Variants in NTM observed in about 807,000 individuals in gnomAD.
The protein encoded by NTM is IgLON family member 2.
In NTM, 13 loss-of-function variants were observed where a neutral mutation model predicts 42.1. The observed-to-expected ratio is 0.31, with a 90% CI of 0.20 to 0.49. The LOEUF (loss-of-function observed/expected upper bound fraction) is 0.49, where lower values mean the gene tolerates loss of function less well. Ranked by LOEUF, NTM falls within the 20% of genes least tolerant of loss-of-function variation. The probability of loss-of-function intolerance (pLI) is 0.99; values close to 1 mark genes in which losing one functional copy is unlikely to be tolerated. For synonymous variants in NTM, 187 were observed against 179.2 expected, an observed-to-expected ratio of 1.04 and a Z score of -0.35; for missense variants, 373 against 452.8, an observed-to-expected ratio of 0.82 and a Z score of 1.60.
intron 1 of NTM, among the ~76,000 whole-genome samples, chr11:131,833,180 T>A (rs2043041427): frequency 6.6e-6 from 1 of 152,216 alleles, no homozygotes; most frequent in South Asian, 2.1e-4. Context: ...AGCTATATTG[T>A]GTGATTTTTG....
chr11:132,115,937 G>T (rs2063826708), intron 2 of NTM, among the ~76,000 whole-genome samples: 1 of 152,112 alleles, frequency 6.6e-6, no homozygotes, highest in Admixed American at 6.5e-5. Context: ...CTTTACACAG[G>T]CTCATCCTCC....
intron 2 of NTM, among the ~76,000 whole-genome samples, chr11:132,125,828 TGTG>T (rs1375718617): frequency 4.2e-4 from 1 of 2,390 alleles, no homozygotes; most frequent in African/African-American, 1.5e-3. Context: ...ATGTGTGGTG[TGTG>T]GTGTGTGTGT....
intron 1 of NTM, among the ~76,000 whole-genome samples, chr11:131,509,251 T>C (rs910204226): frequency 1.3e-5 from 2 of 152,082 alleles, no homozygotes; most frequent in African/African-American, 4.8e-5. Context: ...TGGGGTTGCT[T>C]ATGGGCTAGA....
At chr11:131,617,177 T>C in intron 1 of NTM, among the ~76,000 whole-genome samples, 1 of 151,942 alleles carries the variant, frequency 6.6e-6, no homozygotes, top group Non-Finnish European at 1.5e-5. Flanking sequence ...GTGTGTGTAC[T>C]CCTGTGTAAC....
At chr11:132,179,836 C>G (rs577476017) in intron 3 of NTM, among the ~76,000 whole-genome samples, 2 of 152,214 alleles carry the variant, frequency 1.3e-5, no homozygotes, top group South Asian at 4.1e-4. Flanking sequence ...GAGGAATTTC[C>G]TTGACTGGGG....
At position 131,424,595 on chromosome 11, in the gene NTM, C is replaced by CTTTTTTTTTTTTTTTTTTTTTTTT. The variant is rs1446801058; in HGVS notation, c.82+53711_82+53712insTTTTTTTTTTTTTTTTTTTTTTTT. Among the ~76,000 whole-genome samples, 24 of 39,620 alleles carry CTTTTTTTTTTTTTTTTTTTTTTTT rather than the reference C, an allele frequency of 6.1e-4. 2 individuals carry two copies. Among genetic ancestry groups the CTTTTTTTTTTTTTTTTTTTTTTTT allele is most frequent in the East Asian group, 2.9e-3 (3 of 1,050 alleles). 26.0% of individuals were successfully genotyped at this position (39,620 alleles called of 152,430 possible). The stretch of plus-strand genomic sequence containing the variant: ...TGCTTAGTTGTTTTTTATTTCTTTT[C>CTTTTTTTTTTTTTTTTTTTTTTTT]TTTTCTTTTTTTTTTTTTTTTTTGG... On this transcript the variant is annotated intron_variant, in intron 1 of 8. Transcript: ENST00000683400.
intron 1 of NTM, among the ~76,000 whole-genome samples, chr11:131,505,281 C>T (rs1328513958): frequency 3.9e-5 from 6 of 152,052 alleles, no homozygotes; most frequent in South Asian, 2.1e-4. Flanking sequence ...ATGCTAACAA[C>T]GATCATTTAT....
chr11:132,245,064 A>G lies in NTM; in HGVS notation c.526+32917A>G, dbSNP rs140786771. Among the ~76,000 whole-genome samples the G allele has an allele frequency of 2.1e-3, 321 of 152,224 alleles. 2 individuals are homozygous for G. The highest frequency in any genetic ancestry group is 0.021 in the East Asian group (108 of 5,168). ...CGTCCAATTCGCCGTGAAATGTTCT[A>G]TCTGTCGTGAATATTAAGTGCACTG... On this transcript the variant is annotated intron_variant, in intron 4 of 8. Transcript: ENST00000683400.
intron 3 of NTM, among the ~76,000 whole-genome samples, chr11:132,210,610 A>G (rs2082681268): frequency 6.6e-6 from 1 of 152,236 alleles, no homozygotes; most frequent in Non-Finnish European, 1.5e-5. Flanking sequence ...GTTAAAACAC[A>G]TAAGACAGAT....
intron 2 of NTM, among the ~76,000 whole-genome samples, chr11:132,035,071 T>C (rs1042628131): frequency 6.6e-6 from 1 of 152,224 alleles, no homozygotes; most frequent in Admixed American, 6.5e-5. Flanking sequence ...TTGTTTGCTT[T>C]GAGTAACTGA....
intron 2 of NTM, among the ~76,000 whole-genome samples, chr11:131,971,024 A>C (rs1270315902): frequency 6.6e-6 from 1 of 152,176 alleles, no homozygotes; most frequent in Admixed American, 6.5e-5. Flanking sequence ...AACCCAAACA[A>C]GCCTATGACA....
At chr11:132,195,941 C>A (rs1004591914) in intron 3 of NTM, among the ~76,000 whole-genome samples, 2 of 152,006 alleles carry the variant, frequency 1.3e-5, no homozygotes, top group Non-Finnish European at 2.9e-5. Context: ...GCAACAGAGC[C>A]CCAAATTGAC....
chr11:132,018,670 T>C (rs1296590789), intron 2 of NTM, among the ~76,000 whole-genome samples: 2 of 152,032 alleles, frequency 1.3e-5, no homozygotes, highest in Non-Finnish European at 2.9e-5. Flanking sequence ...TTATGAGATA[T>C]AGTAATCTGT....
chr11:131,644,963 G>T (rs557273936), intron 1 of NTM, among the ~76,000 whole-genome samples: 133 of 152,124 alleles, frequency 8.7e-4, no homozygotes, highest in African/African-American at 3.1e-3. Context: ...TCGACAACAG[G>T]CAGGCTCACA....
intron 1 of NTM, among the ~76,000 whole-genome samples, chr11:131,715,453 T>C (rs2077593989): frequency 6.6e-6 from 1 of 152,232 alleles, no homozygotes; most frequent in Admixed American, 6.5e-5. Context: ...CATTTTTATG[T>C]ATATGTTTAA....
Position 132,310,398 on chromosome 11 carries a change from T to C in NTM, c.782+166T>C, listed in dbSNP as rs980494196. On this transcript the variant is annotated intron_variant, in intron 6 of 8. Transcript: ENST00000683400. ...GAAGTCTTTTCTTAACATTAATGGA[T>C]TTCAGCTACGTTTTTAATGTCACCA... 1.2e-4 allele frequency among the ~76,000 whole-genome samples: 19 copies of C among 152,166 alleles called. 1 individual carries two copies. The highest frequency in any genetic ancestry group is 3.3e-4 in the Admixed American group (5 of 15,276).
At chr11:132,121,131 A>G (rs2064750813) in intron 2 of NTM, among the ~76,000 whole-genome samples, 1 of 152,090 alleles carries the variant, frequency 6.6e-6, no homozygotes, top group Non-Finnish European at 1.5e-5. Context: ...CATTTTAGAG[A>G]TGGGGAGGGT....
rs141410135 is a variant in NTM, at chr11:131,824,432, A to G, written c.83-87132A>G. 6.0e-4 allele frequency among the ~76,000 whole-genome samples: 92 copies of G among 152,314 alleles called. 1 individual carries two copies. The highest frequency in any genetic ancestry group is 2.1e-3 in the African/African-American group (87 of 41,574). On this transcript the variant is annotated intron_variant, in intron 1 of 8. Coordinates refer to ENST00000683400, the MANE Select transcript of NTM (RefSeq NM_001352005.2). ...CCCACTCTCAAGGGGGTCACAGTGT[A>G]CAAGATGGACACATAAGATAATAAA...
intron 2 of NTM, among the ~76,000 whole-genome samples, chr11:132,013,950 A>G (rs909818359): frequency 6.6e-6 from 1 of 152,054 alleles, no homozygotes; most frequent in Non-Finnish European, 1.5e-5. Flanking sequence ...TATATTTACC[A>G]TACACTGCTA....
Sources: allele counts gnomAD v4.1 joint callset (sites outside exome capture counted in the v4.1 genomes callset), GRCh38; gene constraint gnomAD v4.1.1; transcripts MANE v1.5; gene names NCBI Gene and HGNC (gene_info 2026-07-23, HGNC 2026-07-21).